The following ABCB4 variants were observed in gnomAD, a reference collection of about 807,000 sequenced individuals.
ABCB4 encodes the protein ATP binding cassette subfamily B member 4.
In ABCB4, 76 loss-of-function variants were observed where a neutral mutation model predicts 145.7. The observed-to-expected ratio is 0.52, with a 90% CI of 0.43 to 0.63. The LOEUF (loss-of-function observed/expected upper bound fraction) is 0.63, where lower values mean the gene tolerates loss of function less well. Among genes scored for constraint, ABCB4 ranks in the 30% least tolerant of loss-of-function variants. ABCB4 has a pLI of 0.00. For missense variants in ABCB4, 1,234 were observed against 1,553.1 expected, an observed-to-expected ratio of 0.79 and a Z score of 3.45; for synonymous variants, 517 against 566.8, an observed-to-expected ratio of 0.91 and a Z score of 1.25.
rs140325942 is a variant in ABCB4, at chr7:87,410,932, T to C, written c.2924+961A>G. Among the ~76,000 whole-genome samples, 115 of 152,348 alleles carry C rather than the reference T, an allele frequency of 7.5e-4. 1 individual carries two copies. The highest frequency in any genetic ancestry group is 1.4e-3 in the Non-Finnish European group (97 of 68,030). ...GCACCTATGCTGAGTTCTGGCTATC[T>C]TTCCCTTCTCTTGCCTTTAGGCTTA... On this transcript the variant is annotated intron_variant, in intron 23 of 27. Coordinates refer to ENST00000649586, the MANE Select transcript of ABCB4 (RefSeq NM_000443.4).
At position 87,420,097 on chromosome 7, in the gene ABCB4, G is replaced by A. The variant is rs756158241; in HGVS notation, c.2317-22C>T. On this transcript the variant is annotated intron_variant, in intron 18 of 27. Transcript: ENST00000649586. Reference sequence around the variant, plus strand: ...AACCCTGGTTGAGAAAAAAGGCTATGGTCTCTTTTGATCTTTATGTATGTA... The same window carrying A: ...AACCCTGGTTGAGAAAAAAGGCTATAGTCTCTTTTGATCTTTATGTATGTA... 5.6e-6 allele frequency: 9 copies of A among 1,610,344 alleles called. No homozygotes were observed. In the Admixed American group the frequency reaches 6.7e-5, roughly 12 times the overall value.
At chr7:87,398,876 A>T (rs1332357040), downstream of ABCB4, 1 of 499,860 alleles carries the variant, frequency 2.0e-6, no homozygotes, top group East Asian at 3.7e-5. Flanking sequence ...AAATTATGAC[A>T]TAGTGAATAT....
chr7:87,449,798 C>T (rs1811586837), intron 8 of ABCB4, among the ~76,000 whole-genome samples, 170 bp downstream of exon 8: 1 of 152,114 alleles, frequency 6.6e-6, no homozygotes, highest in Non-Finnish European at 1.5e-5. Context: ...GATTAAGAAT[C>T]TTGCTTTAGA....
chr7:87,456,297 A>G (rs45553044), intron 4 of ABCB4, among the ~76,000 whole-genome samples: 40,569 of 152,026 alleles, frequency 0.27, 6,570 homozygotes, highest in African/African-American at 0.46. Context: ...TGGTTTGGAT[A>G]TTTGTTCCCT....
intron 10 of ABCB4, 104 bp from the exon 11 acceptor site, chr7:87,443,877 C>A: frequency 1.2e-6 from 1 of 818,826 alleles, no homozygotes; most frequent in Admixed American, 2.0e-5. Flanking sequence ...TGGAATGTCA[C>A]AATCCCCTTT....
Position 87,423,954 on chromosome 7 carries a change from A to G in ABCB4, c.2163T>C (p.Asn721=). The change falls in exon 17 of 28, where the codon AAT becomes AAC. Residue 721 remains asparagine (N), a synonymous_variant. Coordinates refer to ENST00000649586, the MANE Select transcript of ABCB4 (RefSeq NM_000443.4). ...FVVGTVCAIA[N]GGLQPAFSVI... is the part of the protein sequence containing the mutation. Reference sequence around the variant, plus strand: ...CTGAAAATGCCGGCTGAAGCCCCCCATTGGCAATGGCACATACTGTTCCCA... The same window carrying G: ...CTGAAAATGCCGGCTGAAGCCCCCCGTTGGCAATGGCACATACTGTTCCCA... 6.2e-7 allele frequency: 1 copy of G among 1,614,058 alleles called. No individual in the cohort carries two copies. The highest frequency in any genetic ancestry group is 8.5e-7 in the Non-Finnish European group (1 of 1,179,964).
rs45511203 is a variant in ABCB4, at chr7:87,472,014, T to C, written c.135+607A>G. ...AATGCAGAAATGCATTTTCTTGAAA[T>C]TGTTGAGTTTGCATTGTGCTACTAA... On this transcript the variant is annotated intron_variant, in intron 3 of 27. Coordinates refer to ENST00000649586, the MANE Select transcript of ABCB4 (RefSeq NM_000443.4). Among the ~76,000 whole-genome samples, 442 of 152,314 alleles carry C rather than the reference T, an allele frequency of 2.9e-3. 1 individual carries two copies. Among genetic ancestry groups the C allele is most frequent in the African/African-American group, 1.0e-2 (415 of 41,572 alleles).
At chr7:87,441,735 A>G (rs540278428) in intron 12 of ABCB4, among the ~76,000 whole-genome samples, 5 of 152,222 alleles carry the variant, frequency 3.3e-5, no homozygotes, top group African/African-American at 1.2e-4. Context: ...AGTAGCTAGG[A>G]CTATGGGTGC....
chr7:87,469,087 G>A (rs1012831729), intron 3 of ABCB4, among the ~76,000 whole-genome samples: 64 of 151,910 alleles, frequency 4.2e-4, no homozygotes, highest in African/African-American at 1.5e-3. Flanking sequence ...ATCAATAAAC[G>A]TAATACAGCA....
chr7:87,411,864 A>G (rs1482151517), intron 23 of ABCB4, 29 bp downstream of exon 23: 3 of 1,605,030 alleles, frequency 1.9e-6, no homozygotes, highest in Non-Finnish European at 1.7e-6. Context: ...TTATTATAGA[A>G]TAATCTTAAT....
At position 87,413,660 on chromosome 7, in the gene ABCB4, T is replaced by G; in HGVS notation, c.2740A>C (p.Lys914Gln). 6.2e-7 allele frequency: 1 copy of G among 1,612,838 alleles called. No individual in the cohort carries two copies. The highest frequency in any genetic ancestry group is 1.7e-5 in the Admixed American group (1 of 60,016). ...TTTTCAACATACATTGATTCAAATT[T>G]TCTTTCCTGGGTCAAAGACACAACT... ...RTVVSLTQERKFESMYVEKLY... is the reference protein window; with the variant it reads ...RTVVSLTQERQFESMYVEKLY... The change falls in exon 22 of 28, where the codon AAA becomes CAA. Residue 914 changes from lysine to glutamine, a missense_variant. By Grantham distance (53) the Lys-to-Gln change is moderately conservative. Around this residue, in one of 7 missense-constraint regions of ABCB4, gnomAD observed 301 missense variants for 389.0 expected, o/e 0.77. Coordinates refer to ENST00000649586, the MANE Select transcript of ABCB4 (RefSeq NM_000443.4).
chr7:87,432,576 T>C (rs938889411), intron 14 of ABCB4, among the ~76,000 whole-genome samples: 4 of 152,320 alleles, frequency 2.6e-5, no homozygotes, highest in Middle Eastern at 3.4e-3. Flanking sequence ...CATCACAACA[T>C]AGATGAACTT....
chr7:87,424,992 G>T (rs1242222705), intron 16 of ABCB4, among the ~76,000 whole-genome samples: 1 of 151,642 alleles, frequency 6.6e-6, no homozygotes, highest in Non-Finnish European at 1.5e-5. Context: ...ATAGAAGTAG[G>T]TTCTACTGAG....
At chr7:87,368,548 G>A in the ABCB4 span, among the ~76,000 whole-genome samples, 1 of 152,132 alleles carries the variant, frequency 6.6e-6, no homozygotes, top group East Asian at 1.9e-4. Flanking sequence ...TTTATCAGGA[G>A]ACTGTTCTTC....
intron 2 of ABCB4, among the ~76,000 whole-genome samples, chr7:87,473,757 A>T (rs1813606745): frequency 6.6e-6 from 1 of 151,938 alleles, no homozygotes; most frequent in Admixed American, 6.6e-5. Context: ...ATGATGATTT[A>T]TATATATATG....
At chr7:87,473,754 T>C (rs1257508644) in intron 2 of ABCB4, among the ~76,000 whole-genome samples, 2 of 151,888 alleles carry the variant, frequency 1.3e-5, no homozygotes, top group African/African-American at 2.4e-5. Flanking sequence ...TGTATGATGA[T>C]TTATATATAT....
chr7:87,420,039 T>C lies in ABCB4; in HGVS notation c.2353A>G (p.Arg785Gly). ...TFGKAGEILTRRLRSMAFKAM... is the reference protein window; with the variant it reads ...TFGKAGEILTGRLRSMAFKAM... ...TTAAAAGCCATTGACCGCAGTCTTC[T>C]GGTGAGGATCTCGCCAGCTTTCCCA... is the stretch of plus-strand genomic sequence containing the variant. Residue 785 changes from arginine (R) to glycine (G), a missense_variant, in exon 19 of 28, where the codon AGA (arginine) becomes GGA (glycine). This residue lies in a region of ABCB4 where 321 missense variants were observed against 332.6 expected (regional missense o/e 0.97). Transcript: ENST00000649586. The C allele has an allele frequency of 1.2e-6, 2 of 1,614,138 alleles. No homozygotes were observed. The highest frequency in any genetic ancestry group is 8.5e-7 in the Non-Finnish European group (1 of 1,179,992).
At position 87,462,792 on chromosome 7, in the gene ABCB4, T is replaced by C; in HGVS notation, c.252A>G (p.Lys84=). The C allele has an allele frequency of 6.2e-7, 1 of 1,614,024 alleles. No individual in the cohort carries two copies. Among genetic ancestry groups the C allele is most frequent in the Non-Finnish European group, 8.5e-7 (1 of 1,179,944 alleles). Residue 84 remains lysine (K), a synonymous_variant, in exon 4 of 28, where the codon AAA becomes AAG. Transcript: ENST00000649586. The stretch of plus-strand genomic sequence containing the variant: ...AGAAGTTTCCTGCAGTATCAACAAA[T>C]TTGTCAGTCATCTCTCCAAATACTA... The part of the protein sequence containing the change: ...MMIVFGEMTD[K]FVDTAGNFSF...
the ABCB4 span, among the ~76,000 whole-genome samples, chr7:87,380,333 A>T: frequency 1.3e-5 from 2 of 152,416 alleles, no homozygotes; most frequent in South Asian, 4.1e-4. Flanking sequence ...CATAGGAAGC[A>T]TGTAAAAACT....
Sources: allele counts gnomAD v4.1 joint callset (sites outside exome capture counted in the v4.1 genomes callset), GRCh38; gene constraint gnomAD v4.1.1; regional missense constraint gnomAD v4.1.1; transcripts MANE v1.5; gene names NCBI Gene and HGNC (gene_info 2026-07-23, HGNC 2026-07-21).